Variants in SGCD observed in about 807,000 individuals in gnomAD.
SGCD encodes the protein sarcoglycan delta.
Under a neutral mutation model 36.6 loss-of-function variants are expected in SGCD, and 18 were observed. That is an observed-to-expected ratio of 0.49 (90% CI 0.34 to 0.73). SGCD has a LOEUF of 0.73. Among genes scored for constraint, SGCD ranks in the 30% least tolerant of loss-of-function variants. SGCD has a pLI of 0.01. For missense variants in SGCD, 387 were observed against 346.7 expected (o/e 1.12, Z -0.92); for synonymous variants, 133 against 130.6 (o/e 1.02, Z -0.12).
chr5:155,775,265 AT>A, the SGCD span, among the ~76,000 whole-genome samples: 1 of 152,036 alleles, frequency 6.6e-6, no homozygotes, highest in Non-Finnish European at 1.5e-5. Context: ...TGTGTACATG[AT>A]TTGTCTATTA....
At chr5:155,949,204 T>C (rs770787339) in intron 1 of SGCD, among the ~76,000 whole-genome samples, 1 of 152,212 alleles carries the variant, frequency 6.6e-6, no homozygotes, top group Non-Finnish European at 1.5e-5. Flanking sequence ...TTTTCTAATG[T>C]GTTCTTCCAA....
At chr5:155,774,372 A>G in the SGCD span, among the ~76,000 whole-genome samples, 2 of 152,146 alleles carry the variant, frequency 1.3e-5, no homozygotes, top group Non-Finnish European at 2.9e-5. Context: ...ACTAGGAGCC[A>G]TTTTCCCTTT....
chr5:156,373,393 G>A lies in SGCD; in HGVS notation c.192+28716G>A, dbSNP rs1056299657. 5.3e-4 allele frequency among the ~76,000 whole-genome samples: 81 copies of A among 152,206 alleles called. 1 individual carries two copies. Among genetic ancestry groups the A allele is most frequent in the African/African-American group, 1.8e-3 (73 of 41,538 alleles). On this transcript the variant is annotated intron_variant, in intron 3 of 8. Coordinates refer to ENST00000337851, the MANE Select transcript of SGCD (RefSeq NM_000337.6). ...GGTATCTCCTATTGATTTGGTAAGCGTTACCTTTAATCACTTAAAAGTAAG... is the reference window on the plus strand; with the variant it reads ...GGTATCTCCTATTGATTTGGTAAGCATTACCTTTAATCACTTAAAAGTAAG...
In SGCD at chr5:156,060,529, G is replaced by T. The variant is rs542631118; in HGVS notation, c.-281-57349G>T. Among the ~76,000 whole-genome samples, 13 of 146,472 alleles carry T rather than the reference G, an allele frequency of 8.9e-5. 1 individual carries two copies. Among genetic ancestry groups the T allele is most frequent in the Admixed American group, 7.5e-4 (11 of 14,648 alleles). The stretch of plus-strand genomic sequence containing the variant: ...CATTTCTTAATGAAGTTTTTTACAA[G>T]GGGCATTTTGGGAACTAACCAATTG... On this transcript the variant is annotated intron_variant, in intron 1 of 9. Coordinates refer to the SGCD transcript ENST00000517913.
intron 3 of SGCD, among the ~76,000 whole-genome samples, chr5:156,248,475 T>C (rs10056582): frequency 1.8e-3 from 269 of 151,974 alleles, no homozygotes; most frequent in African/African-American, 6.2e-3. Context: ...GCTGAGATCA[T>C]GCCACTGCAC....
At chr5:156,501,952 A>C (rs948414122) in intron 3 of SGCD, among the ~76,000 whole-genome samples, 1 of 152,272 alleles carries the variant, frequency 6.6e-6, no homozygotes, top group South Asian at 2.1e-4. Context: ...CCTTAAGAAA[A>C]TTAGTTTCAC....
intron 6 of SGCD, among the ~76,000 whole-genome samples, chr5:156,639,784 T>C (rs921031029): frequency 4.6e-5 from 7 of 152,120 alleles, no homozygotes; most frequent in African/African-American, 1.2e-4. Flanking sequence ...TACTTCTTTC[T>C]CTTGGCTTCT....
intron 4 of SGCD, among the ~76,000 whole-genome samples, chr5:156,581,459 C>T (rs1760253660): frequency 1.3e-5 from 2 of 152,316 alleles, no homozygotes; most frequent in Admixed American, 6.5e-5. Flanking sequence ...TCAGAGCTGT[C>T]AGACAGGGAC....
the SGCD span, among the ~76,000 whole-genome samples, chr5:155,858,175 G>A: frequency 1.3e-5 from 2 of 152,018 alleles, no homozygotes; most frequent in African/African-American, 2.4e-5. Flanking sequence ...AATAGTTTGT[G>A]TTGCTACCTT....
At chr5:155,892,767 T>C (rs1756166018) in intron 1 of SGCD, among the ~76,000 whole-genome samples, 1 of 152,250 alleles carries the variant, frequency 6.6e-6, no homozygotes, top group Non-Finnish European at 1.5e-5. Context: ...TATGGCTGAA[T>C]AGTATTACAT....
At chr5:155,748,002 A>G in the SGCD span, among the ~76,000 whole-genome samples, 1 of 152,032 alleles carries the variant, frequency 6.6e-6, no homozygotes, top group African/African-American at 2.4e-5. Flanking sequence ...TTATTCCACT[A>G]TATTCAATTA....
At chr5:156,448,275 G>A (rs1180342133) in intron 3 of SGCD, among the ~76,000 whole-genome samples, 2 of 152,110 alleles carry the variant, frequency 1.3e-5, no homozygotes, top group Non-Finnish European at 2.9e-5. Context: ...CTTTGACTCA[G>A]CCCTGTGGTA....
chr5:156,747,410 G>C (rs1756985055), intron 7 of SGCD, among the ~76,000 whole-genome samples: 1 of 152,214 alleles, frequency 6.6e-6, no homozygotes, highest in Admixed American at 6.5e-5. Flanking sequence ...TTTTTATGAG[G>C]ATGCTGTTAA....
At chr5:156,533,504 T>C (rs1345928857) in intron 4 of SGCD, among the ~76,000 whole-genome samples, 1 of 152,208 alleles carries the variant, frequency 6.6e-6, no homozygotes, top group Non-Finnish European at 1.5e-5. Context: ...AATGTGTAAG[T>C]GTTCTACTGG....
intron 7 of SGCD, among the ~76,000 whole-genome samples, chr5:156,756,865 C>A (rs116231084): frequency 1.3e-5 from 2 of 152,180 alleles, no homozygotes; most frequent in African/African-American, 4.8e-5. Flanking sequence ...CAACCACTGA[C>A]CCTCTCTGCA....
At chr5:156,249,995 T>C (rs1341678032) in intron 3 of SGCD, among the ~76,000 whole-genome samples, 2 of 152,310 alleles carry the variant, frequency 1.3e-5, no homozygotes, top group Non-Finnish European at 1.5e-5. Context: ...TATGTGTCCA[T>C]AGATTTTACA....
At chr5:156,526,979 A>G (rs1233679205) in intron 4 of SGCD, among the ~76,000 whole-genome samples, 1 of 152,206 alleles carries the variant, frequency 6.6e-6, no homozygotes, top group Non-Finnish European at 1.5e-5. Context: ...GAGTTCTGGT[A>G]GGAGAAGTGT....
At chr5:155,838,566 G>T in the SGCD span, among the ~76,000 whole-genome samples, 1 of 151,980 alleles carries the variant, frequency 6.6e-6, no homozygotes, top group Non-Finnish European at 1.5e-5. Context: ...GGATGCATGG[G>T]GGTTTCTGAG....
At chr5:156,353,619 C>A (rs559186754) in intron 3 of SGCD, among the ~76,000 whole-genome samples, 1 of 152,176 alleles carries the variant, frequency 6.6e-6, no homozygotes, top group African/African-American at 2.4e-5. Flanking sequence ...CGCTTCAATG[C>A]GGGTGCCAGC....
Sources: gnomAD v4.1 joint callset for allele counts (sites outside exome capture counted in the v4.1 genomes callset) on GRCh38, gnomAD v4.1.1 for gene constraint, MANE v1.5 for transcripts, NCBI Gene and HGNC (gene_info 2026-07-23, HGNC 2026-07-21) for gene names.